ST6GALNAC3: variants seen among roughly 807,000 people sequenced by gnomAD.
ST6GALNAC3 encodes the protein ST6 N-acetylgalactosaminide alpha-2,6-sialyltransferase 3, also known as alpha-N-acetylgalactosaminide alpha-2,6-sialyltransferase 3.
In ST6GALNAC3, 25 loss-of-function variants were observed where a neutral mutation model predicts 32.7. The observed-to-expected ratio is 0.76, with a 90% CI of 0.56 to 1.07. The LOEUF (loss-of-function observed/expected upper bound fraction) is 1.07. Ranked by LOEUF, ST6GALNAC3 falls within the 50% of genes least tolerant of loss-of-function variation. The probability of loss-of-function intolerance (pLI) is 0.00; values close to 1 mark genes in which losing one functional copy is unlikely to be tolerated. For synonymous variants in ST6GALNAC3, 129 were observed against 133.1 expected (o/e 0.97, Z 0.21); for missense variants, 355 against 382.4 (o/e 0.93, Z 0.60).
intron 3 of ST6GALNAC3, among the ~76,000 whole-genome samples, chr1:76,430,729 G>T (rs1054130182): frequency 6.6e-6 from 1 of 152,114 alleles, no homozygotes; most frequent in Non-Finnish European, 1.5e-5. Flanking sequence ...AATGGGATTG[G>T]CAATATTGGA....
rs113031475 is a variant in ST6GALNAC3, at chr1:76,103,928, G to A, written c.18+29044G>A. 4.2e-4 allele frequency among the ~76,000 whole-genome samples: 64 copies of A among 152,206 alleles called. 5 individuals are homozygous for A. The highest frequency in any genetic ancestry group is 1.4e-3 in the African/African-American group (57 of 41,522). ...TCTTTTTCCATATAATGTATTATTTGCTCCTTTGCTACATAAGGTAATATT... is the reference window on the plus strand; with the variant it reads ...TCTTTTTCCATATAATGTATTATTTACTCCTTTGCTACATAAGGTAATATT... On this transcript the variant is annotated intron_variant, in intron 1 of 4. Coordinates refer to ENST00000328299, the MANE Select transcript of ST6GALNAC3 (RefSeq NM_152996.4).
intron 3 of ST6GALNAC3, among the ~76,000 whole-genome samples, chr1:76,473,617 A>T (rs1430687736): frequency 6.6e-6 from 1 of 152,192 alleles, no homozygotes; most frequent in Admixed American, 6.6e-5. Context: ...GAATAGTTAT[A>T]GATGGGAAAG....
chr1:76,595,526 G>A (rs1012874468), intron 3 of ST6GALNAC3, among the ~76,000 whole-genome samples: 1 of 151,992 alleles, frequency 6.6e-6, no homozygotes, highest in African/African-American at 2.4e-5. Flanking sequence ...AAGCTTAATC[G>A]ATTGCACACT....
At chr1:76,295,091 A>ATT (rs11373156) in intron 1 of ST6GALNAC3, among the ~76,000 whole-genome samples, 7 of 148,802 alleles carry the variant, frequency 4.7e-5, no homozygotes, top group Admixed American at 1.3e-4. Flanking sequence ...ACCAGTGGGC[A>ATT]TTTTTTTTTT....
At chr1:76,565,116 A>G (rs1395460641) in intron 3 of ST6GALNAC3, among the ~76,000 whole-genome samples, 4 of 152,036 alleles carry the variant, frequency 2.6e-5, no homozygotes, top group Admixed American at 2.6e-4. Context: ...GGCCCCTCTG[A>G]TCTCATGGAG....
At chr1:76,440,475 A>T (rs1656496421) in intron 3 of ST6GALNAC3, among the ~76,000 whole-genome samples, 1 of 152,222 alleles carries the variant, frequency 6.6e-6, no homozygotes, top group Admixed American at 6.5e-5. Context: ...TGACAACATG[A>T]ACTAGGATTT....
intron 1 of ST6GALNAC3, among the ~76,000 whole-genome samples, chr1:76,249,943 G>A (rs1292049849): frequency 6.6e-6 from 1 of 152,060 alleles, no homozygotes; most frequent in Admixed American, 6.6e-5. Context: ...TCATTTTTGA[G>A]TTGTTTGTCT....
intron 3 of ST6GALNAC3, among the ~76,000 whole-genome samples, chr1:76,494,460 T>TAC (rs1271444762): frequency 2.3e-5 from 2 of 87,674 alleles, no homozygotes; most frequent in Non-Finnish European, 4.4e-5. Context: ...TATATATATA[T>TAC]ATATATATAC....
At chr1:76,597,924 T>C (rs576888497) in intron 3 of ST6GALNAC3, among the ~76,000 whole-genome samples, 40 of 152,308 alleles carry the variant, frequency 2.6e-4, no homozygotes, top group African/African-American at 9.4e-4. Context: ...AGTTTAATTA[T>C]GTATAACTGT....
chr1:76,427,867 G>A (rs1284116490), intron 3 of ST6GALNAC3, among the ~76,000 whole-genome samples: 1 of 152,108 alleles, frequency 6.6e-6, no homozygotes, highest in African/African-American at 2.4e-5. Flanking sequence ...ACCAACCTTA[G>A]TTGCATAGTA....
intron 1 of ST6GALNAC3, among the ~76,000 whole-genome samples, chr1:76,228,865 G>C (rs1656213307): frequency 6.6e-6 from 1 of 152,174 alleles, no homozygotes; most frequent in African/African-American, 2.4e-5. Flanking sequence ...TCTGCCCGGA[G>C]AAGGTCATGC....
Position 76,631,165 on chromosome 1 carries a change from A to T in ST6GALNAC3, c.*2359A>T. On this transcript the variant is annotated 3_prime_UTR_variant, in exon 5 of 5. Transcript: ENST00000328299. ...AATATGTAGACTCCAGTGTTTTCTT[A>T]GGAGGGGTGGGAAAGGGCTTTCTTT... 2.7e-6 allele frequency: 1 copy of T among 377,066 alleles called. No individual in the cohort carries two copies. Among genetic ancestry groups the T allele is most frequent in the Non-Finnish European group, 3.6e-6 (1 of 274,240 alleles). The allele number at this position is 377,066 out of a possible 1,614,324, so 23.4% of individuals were successfully genotyped here.
At chr1:76,488,037 A>G (rs1660242200) in intron 3 of ST6GALNAC3, among the ~76,000 whole-genome samples, 1 of 152,190 alleles carries the variant, frequency 6.6e-6, no homozygotes, top group Middle Eastern at 3.2e-3. Flanking sequence ...GCTGCAGAAC[A>G]GAGAAGAATA....
At chr1:76,157,208 T>C (rs1424456896) in intron 1 of ST6GALNAC3, among the ~76,000 whole-genome samples, 6 of 152,202 alleles carry the variant, frequency 3.9e-5, no homozygotes, top group Non-Finnish European at 8.8e-5. Flanking sequence ...TATGTAACCA[T>C]TGGTATCTGT....
intron 1 of ST6GALNAC3, among the ~76,000 whole-genome samples, chr1:76,299,404 C>A (rs1481784426): frequency 6.6e-6 from 1 of 152,028 alleles, no homozygotes; most frequent in Non-Finnish European, 1.5e-5. Flanking sequence ...AAAACAGATA[C>A]AGCTTCCAGT....
intron 3 of ST6GALNAC3, among the ~76,000 whole-genome samples, chr1:76,571,969 A>G (rs1305242682): frequency 6.6e-6 from 1 of 152,124 alleles, no homozygotes; most frequent in Non-Finnish European, 1.5e-5. Flanking sequence ...AGAAAAGTAC[A>G]TCATGATAAC....
At chr1:76,479,032 G>A (rs918895790) in intron 3 of ST6GALNAC3, among the ~76,000 whole-genome samples, 2 of 151,860 alleles carry the variant, frequency 1.3e-5, no homozygotes, top group Middle Eastern at 3.2e-3. Context: ...CAAAGTGCTG[G>A]GATTACAGGC....
At chr1:76,517,548 T>C (rs9645422) in intron 3 of ST6GALNAC3, among the ~76,000 whole-genome samples, 15,953 of 151,934 alleles carry the variant, frequency 0.1, 982 homozygotes, top group East Asian at 0.22. Context: ...TTTAAACCTT[T>C]TAAAGGCTTA....
intron 1 of ST6GALNAC3, among the ~76,000 whole-genome samples, chr1:76,312,195 A>T (rs1646778672): frequency 6.6e-6 from 1 of 152,252 alleles, no homozygotes; most frequent in African/African-American, 2.4e-5. Context: ...TCCCTAATTA[A>T]CAAATGGTGT....
Sources: gnomAD v4.1 joint callset for allele counts (sites outside exome capture counted in the v4.1 genomes callset) on GRCh38, gnomAD v4.1.1 for gene constraint, MANE v1.5 for transcripts, NCBI Gene and HGNC (gene_info 2026-07-23, HGNC 2026-07-21) for gene names.